LAMA2: variants seen among roughly 807,000 people sequenced by gnomAD.
LAMA2 encodes laminin subunit alpha-2.
Under a neutral mutation model 364.8 loss-of-function variants are expected in LAMA2, and 269 were observed. The observed-to-expected ratio is 0.74, with a 90% CI of 0.67 to 0.82. The LOEUF is 0.82. Ranked by LOEUF, LAMA2 falls within the 40% of genes least tolerant of loss-of-function variation. The probability of loss-of-function intolerance (pLI) is 0.00; values close to 1 mark genes in which losing one functional copy is unlikely to be tolerated. For synonymous variants in LAMA2, 1,379 were observed against 1,370.6 expected (o/e 1.01, Z -0.14); for missense variants, 3,807 against 3,873.2 (o/e 0.98, Z 0.45).
chr6:129,165,306 AG>A (rs1202445796), intron 8 of LAMA2, among the ~76,000 whole-genome samples: 1 of 152,118 alleles, frequency 6.6e-6, no homozygotes, highest in Non-Finnish European at 1.5e-5. Flanking sequence ...CAAGATAAAA[AG>A]GAATAAAACA....
intron 18 of LAMA2, among the ~76,000 whole-genome samples, chr6:129,283,661 A>C (rs1187481386): frequency 6.6e-6 from 1 of 151,248 alleles, no homozygotes; most frequent in East Asian, 1.9e-4. Context: ...TTTTATCCTC[A>C]AGATTCATAC....
At chr6:129,406,281 A>G (rs922948424) in intron 40 of LAMA2, among the ~76,000 whole-genome samples, 3 of 152,232 alleles carry the variant, frequency 2.0e-5, no homozygotes, top group African/African-American at 7.2e-5. Context: ...TATAAGCAGG[A>G]GAAAGCTAAT....
In LAMA2 at chr6:128,913,586, A is replaced by C. The variant is rs1233782384; in HGVS notation, c.112+30229A>C. Among the ~76,000 whole-genome samples, 19 of 152,152 alleles carry C rather than the reference A, an allele frequency of 1.2e-4. 1 individual carries two copies. Among genetic ancestry groups the C allele is most frequent in the Admixed American group, 1.2e-3 (19 of 15,256 alleles). ...AAAGTGTGTACTTGTAGCTTATTGC[A>C]ACACAGTGACCAAAGACACCATATT... On this transcript the variant is annotated intron_variant, in intron 1 of 64. Transcript: ENST00000421865.
intron 5 of LAMA2, among the ~76,000 whole-genome samples, chr6:129,146,323 C>G (rs1481941328): frequency 1.3e-5 from 2 of 151,748 alleles, no homozygotes; most frequent in African/African-American, 4.8e-5. Context: ...TAAAAAATAG[C>G]TGGGTAGATT....
chr6:129,451,875 C>T (rs945704073), intron 45 of LAMA2, among the ~76,000 whole-genome samples: 1 of 152,112 alleles, frequency 6.6e-6, no homozygotes, highest in Admixed American at 6.5e-5. Flanking sequence ...GGTTTCTAGG[C>T]TATCTTGTTG....
chr6:129,480,997 T>G (rs1474997077), intron 54 of LAMA2, among the ~76,000 whole-genome samples: 2 of 152,198 alleles, frequency 1.3e-5, no homozygotes, highest in Admixed American at 6.5e-5. Context: ...GTGATAATCT[T>G]CTATATTTAA....
chr6:129,188,772 G>A (rs1433216366), intron 10 of LAMA2, among the ~76,000 whole-genome samples: 1 of 151,924 alleles, frequency 6.6e-6, no homozygotes, highest in Non-Finnish European at 1.5e-5. Context: ...GTATCAAAAA[G>A]TTAATTTAAA....
chr6:129,039,775 CACAATATGGT>C (rs1786953565), intron 1 of LAMA2, among the ~76,000 whole-genome samples: 1 of 152,148 alleles, frequency 6.6e-6, no homozygotes, highest in African/African-American at 2.4e-5. Context: ...ATGCACAGTT[CACAATATGGT>C]TCACGTTCCT....
chr6:129,355,311 A>T (rs547188898), intron 32 of LAMA2, among the ~76,000 whole-genome samples: 2 of 152,112 alleles, frequency 1.3e-5, no homozygotes, highest in African/African-American at 4.8e-5. Context: ...TAGACTTTTC[A>T]TCTTTTCTCT....
At chr6:129,415,945 C>CTTTTTTTTTTT (rs952225363) in intron 40 of LAMA2, among the ~76,000 whole-genome samples, 1 of 33,732 alleles carries the variant, frequency 3.0e-5, no homozygotes, top group Non-Finnish European at 5.3e-5. Flanking sequence ...CACTTTCTTT[C>CTTTTTTTTTTT]TTTTTTTTTT....
chr6:129,429,611 G>A (rs746050014), intron 41 of LAMA2, among the ~76,000 whole-genome samples: 1 of 152,178 alleles, frequency 6.6e-6, no homozygotes, highest in Admixed American at 6.5e-5. Context: ...CTGCTCAGCA[G>A]GTACCTCTTA....
Position 129,131,045 on chromosome 6 carries a change from G to T in LAMA2, c.640-12856G>T, listed in dbSNP as rs1777445008. Among the ~76,000 whole-genome samples, 2 of 152,082 alleles carry T rather than the reference G, an allele frequency of 1.3e-5. 1 individual carries two copies. The highest frequency in any genetic ancestry group is 2.9e-5 in the Non-Finnish European group (2 of 68,000). On this transcript the variant is annotated intron_variant, in intron 4 of 64. Transcript: ENST00000421865. The stretch of plus-strand genomic sequence containing the variant: ...TTGTATTTTTGTCCTTAATAGAAAA[G>T]GGAACAGTGCCTAAACAACCTATTA...
At chr6:129,181,146 TC>T (rs1307866060) in intron 10 of LAMA2, among the ~76,000 whole-genome samples, 4 of 152,028 alleles carry the variant, frequency 2.6e-5, no homozygotes, top group Non-Finnish European at 5.9e-5. Flanking sequence ...ATTTTTATTC[TC>T]CCCTTATGTG....
chr6:129,285,741 C>G (rs1789060623), intron 18 of LAMA2, among the ~76,000 whole-genome samples: 1 of 152,008 alleles, frequency 6.6e-6, no homozygotes, highest in African/African-American at 2.4e-5. Flanking sequence ...AAAAGAATCT[C>G]CTTCTTATCT....
At chr6:129,243,149 G>A (rs1015793383) in intron 12 of LAMA2, among the ~76,000 whole-genome samples, 1 of 152,024 alleles carries the variant, frequency 6.6e-6, no homozygotes. Flanking sequence ...GCAGCCAAAA[G>A]CATTCTTACC....
chr6:128,884,120 T>C (rs2114361729), intron 1 of LAMA2, among the ~76,000 whole-genome samples: 1 of 152,278 alleles, frequency 6.6e-6, no homozygotes, highest in Middle Eastern at 3.4e-3. Context: ...TAATGTAACT[T>C]AAATAACTTA....
At chr6:128,996,350 A>G (rs188337475) in intron 1 of LAMA2, among the ~76,000 whole-genome samples, 1 of 152,336 alleles carries the variant, frequency 6.6e-6, no homozygotes, top group East Asian at 1.9e-4. Context: ...GGCAACCTAC[A>G]GAATGGGAGA....
intron 1 of LAMA2, among the ~76,000 whole-genome samples, chr6:128,937,249 C>T (rs1364731015): frequency 4.6e-5 from 7 of 152,078 alleles, no homozygotes; most frequent in South Asian, 2.1e-4. Context: ...TTTGATATGC[C>T]GTTGAATTTG....
chr6:128,886,802 T>C lies in LAMA2; in HGVS notation c.112+3445T>C, dbSNP rs1250866091. ...TCCTCACTTCCTCCCCATGCCATTT[T>C]GAGTTGTTCAGAAATAGCTGAATTG... On this transcript the variant is annotated intron_variant, in intron 1 of 64. Transcript: ENST00000421865. Among the ~76,000 whole-genome samples the C allele has an allele frequency of 2.0e-5, 3 of 152,168 alleles. No homozygotes were observed. In the East Asian group the frequency reaches 5.8e-4, roughly 29 times the overall value.
Sources: allele counts gnomAD v4.1 joint callset (sites outside exome capture counted in the v4.1 genomes callset), GRCh38; gene constraint gnomAD v4.1.1; transcripts MANE v1.5; gene names NCBI Gene and HGNC (gene_info 2026-07-23, HGNC 2026-07-21).